CPED1: variants seen among roughly 807,000 people sequenced by gnomAD.
The protein encoded by CPED1 is cadherin like and PC-esterase domain containing 1.
In CPED1, 114 loss-of-function variants were observed where a neutral mutation model predicts 128.2. The observed-to-expected ratio is 0.89, with a 90% CI of 0.76 to 1.04. CPED1 has a LOEUF of 1.04. Ranked by LOEUF, CPED1 falls within the 50% of genes least tolerant of loss-of-function variation. CPED1 has a pLI of 0.00. For synonymous variants in CPED1, 462 were observed against 426.7 expected, an observed-to-expected ratio of 1.08 and a Z score of -1.02; for missense variants, 1,211 against 1,207.1, an observed-to-expected ratio of 1.00 and a Z score of -0.05.
intron 3 of CPED1, among the ~76,000 whole-genome samples, chr7:121,034,270 T>A (rs1792825208): frequency 8.7e-6 from 1 of 115,276 alleles, no homozygotes; most frequent in South Asian, 2.8e-4. Context: ...TTTTTTGAGA[T>A]GGAGTCTCGC....
At chr7:120,995,887 T>A (rs1796389411) in intron 2 of CPED1, among the ~76,000 whole-genome samples, 1 of 141,550 alleles carries the variant, frequency 7.1e-6, no homozygotes, top group African/African-American at 2.7e-5. Context: ...CTTCTTCTTC[T>A]TCTTCTTCTT....
At chr7:121,189,516 C>G (rs1214018310) in intron 16 of CPED1, among the ~76,000 whole-genome samples, 1 of 151,856 alleles carries the variant, frequency 6.6e-6, no homozygotes, top group Non-Finnish European at 1.5e-5. Context: ...ATACACTCCT[C>G]TCCCACCAGG....
chr7:121,140,800 T>C lies in CPED1; in HGVS notation c.1700-27T>C, dbSNP rs142178798. Reference sequence around the variant, plus strand: ...ATATTTACCCACTTCACAGTTGTCTTTGTCATTGTTTTTGTTTTTTTAACA... The same window carrying C: ...ATATTTACCCACTTCACAGTTGTCTCTGTCATTGTTTTTGTTTTTTTAACA... On this transcript the variant is annotated intron_variant, in intron 14 of 22. Transcript: ENST00000310396. 4.3e-5 allele frequency: 66 copies of C among 1,544,756 alleles called. No homozygotes were observed. The Admixed American group carries it at 1.2e-3, about 27-fold the overall frequency.
intron 5 of CPED1, among the ~76,000 whole-genome samples, chr7:121,093,396 G>GTACA (rs1554433483): frequency 1.9e-5 from 1 of 52,142 alleles, no homozygotes; most frequent in East Asian, 1.6e-3. Flanking sequence ...CCCTTTTTCT[G>GTACA]TACACACACA....
At chr7:121,139,593 G>A (rs568631005) in intron 14 of CPED1, among the ~76,000 whole-genome samples, 1 of 152,116 alleles carries the variant, frequency 6.6e-6, no homozygotes, top group East Asian at 1.9e-4. Flanking sequence ...GGGCAATGCA[G>A]CTGGAGAGCA....
intron 3 of CPED1, among the ~76,000 whole-genome samples, chr7:121,044,830 T>G (rs768882526): frequency 6.6e-6 from 1 of 152,008 alleles, no homozygotes; most frequent in Non-Finnish European, 1.5e-5. Flanking sequence ...CCTTGAATAG[T>G]GAAGAAGGGT....
At position 121,130,463 on chromosome 7, in the gene CPED1, T is replaced by C. The variant is rs17143176; in HGVS notation, c.1577+169T>C. On this transcript the variant is annotated intron_variant, in intron 12 of 22. Coordinates refer to ENST00000310396, the MANE Select transcript of CPED1 (RefSeq NM_024913.5). ...TTAAACATTGAAACCATAATGATTCTAGTGGTCTTCAAACACTTTAATAAA... is the reference window on the plus strand; with the variant it reads ...TTAAACATTGAAACCATAATGATTCCAGTGGTCTTCAAACACTTTAATAAA... Among the ~76,000 whole-genome samples, 1,454 of 152,244 alleles carry C rather than the reference T, an allele frequency of 9.6e-3. 23 individuals carry two copies. Among genetic ancestry groups the C allele is most frequent in the African/African-American group, 0.033 (1,357 of 41,578 alleles).
intron 22 of CPED1, among the ~76,000 whole-genome samples, chr7:121,292,251 T>C (rs902640919): frequency 6.6e-5 from 10 of 151,980 alleles, no homozygotes; most frequent in Non-Finnish European, 2.9e-5. Flanking sequence ...CTTCATGCTT[T>C]ATTTCATTAA....
At chr7:121,229,512 T>C (rs201705576) in intron 16 of CPED1, among the ~76,000 whole-genome samples, 2 of 48,732 alleles carry the variant, frequency 4.1e-5, no homozygotes, top group African/African-American at 7.4e-5. Flanking sequence ...GTAGTAGAAA[T>C]GAAATGAAGG....
At chr7:121,215,117 A>T (rs1252370042) in intron 16 of CPED1, among the ~76,000 whole-genome samples, 1 of 151,898 alleles carries the variant, frequency 6.6e-6, no homozygotes, top group African/African-American at 2.4e-5. Context: ...CTAATTTTCA[A>T]CCATGTTCCG....
intron 16 of CPED1, among the ~76,000 whole-genome samples, chr7:121,205,360 A>G (rs1055193518): frequency 5.3e-4 from 81 of 151,970 alleles, no homozygotes; most frequent in East Asian, 5.8e-4. Flanking sequence ...TCCCTCTTAT[A>G]TTTTTCACCC....
intron 22 of CPED1, among the ~76,000 whole-genome samples, chr7:121,292,700 T>A (rs1792733827): frequency 6.6e-6 from 1 of 152,126 alleles, no homozygotes; most frequent in Non-Finnish European, 1.5e-5. Flanking sequence ...GATGGGGTTT[T>A]TAGGTGGGTG....
intron 16 of CPED1, among the ~76,000 whole-genome samples, chr7:121,196,242 T>TG (rs1563061681): frequency 6.6e-6 from 1 of 152,016 alleles, no homozygotes; most frequent in African/African-American, 2.4e-5. Context: ...TGCTGGGAGC[T>TG]GGGGGGAATT....
intron 3 of CPED1, among the ~76,000 whole-genome samples, chr7:121,030,368 T>A (rs556638391): frequency 2.0e-5 from 3 of 152,344 alleles, no homozygotes; most frequent in South Asian, 4.1e-4. Context: ...CGTAGTCAAC[T>A]GCAGTCCAAA....
intron 5 of CPED1, among the ~76,000 whole-genome samples, chr7:121,096,119 T>G (rs1467867175): frequency 6.6e-6 from 1 of 152,180 alleles, no homozygotes; most frequent in African/African-American, 2.4e-5. Flanking sequence ...ACTTAATGGC[T>G]GTTCATTCAT....
rs139085764 is a variant in CPED1 at position 121,141,361 on chromosome 7, A to C, written c.1886+348A>C. Among the ~76,000 whole-genome samples the C allele has an allele frequency of 3.0e-3, 450 of 152,174 alleles. 2 individuals carry two copies. Among genetic ancestry groups the C allele is most frequent in the African/African-American group, 0.01 (431 of 41,560 alleles). ...AAACCAATTGGTGCACAATTTGTGG[A>C]CACAGTACCCCTAACTTTTCTAACC... On this transcript the variant is annotated intron_variant, in intron 15 of 22. Coordinates refer to ENST00000310396, the MANE Select transcript of CPED1 (RefSeq NM_024913.5).
Position 121,286,262 on chromosome 7 carries a change from C to T in CPED1, c.2869-9178C>T, listed in dbSNP as rs145653002. 3.3e-3 allele frequency among the ~76,000 whole-genome samples: 502 copies of T among 152,244 alleles called. 3 individuals are homozygous for T. Among genetic ancestry groups the T allele is most frequent in the Non-Finnish European group, 5.0e-3 (338 of 68,008 alleles). On this transcript the variant is annotated intron_variant, in intron 22 of 22. Coordinates refer to ENST00000310396, the MANE Select transcript of CPED1 (RefSeq NM_024913.5). ...TCCCTCTAATGACGTGTAGGGATTA[C>T]AGGAACTACAATTCACGATGAGATT...
chr7:121,230,451 G>T (rs1798109825), intron 16 of CPED1, among the ~76,000 whole-genome samples: 1 of 152,032 alleles, frequency 6.6e-6, no homozygotes, highest in African/African-American at 2.4e-5. Flanking sequence ...AAATAAATAA[G>T]AGATATTTTC....
chr7:121,226,787 CATTA>C (rs1436759783), intron 16 of CPED1, among the ~76,000 whole-genome samples: 1 of 152,114 alleles, frequency 6.6e-6, no homozygotes. Context: ...GATAGATTAT[CATTA>C]ATTATTTATT....
Sources: gnomAD v4.1 joint callset for allele counts (sites outside exome capture counted in the v4.1 genomes callset) on GRCh38, gnomAD v4.1.1 for gene constraint, MANE v1.5 for transcripts, NCBI Gene and HGNC (gene_info 2026-07-23, HGNC 2026-07-21) for gene names.